The following CNTN5 variants were observed in gnomAD, a reference collection of about 807,000 sequenced individuals.
The protein encoded by CNTN5 is contactin 5, also known as contactin-5.
In CNTN5, 77 loss-of-function variants were observed where a neutral mutation model predicts 129.1. The ratio of observed to expected loss-of-function variants is 0.60; its 90% CI spans 0.50 to 0.72. CNTN5 has a LOEUF of 0.72. Ranked by LOEUF, CNTN5 falls within the 30% of genes least tolerant of loss-of-function variation. CNTN5 has a pLI of 0.00. For synonymous variants in CNTN5, 509 were observed against 465.6 expected (o/e 1.09, Z -1.20); for missense variants, 1,478 against 1,328.8 (o/e 1.11, Z -1.75).
At chr11:99,627,041 A>T (rs606993) in intron 3 of CNTN5, among the ~76,000 whole-genome samples, 147,836 of 152,122 alleles carry the variant, frequency 0.97, 71,978 homozygotes, top group East Asian at 1. Flanking sequence ...CTGCCAAGAA[A>T]CATTCAAGGC....
chr11:99,174,286 C>T (rs11218640), intron 1 of CNTN5, among the ~76,000 whole-genome samples: 1 of 152,064 alleles, frequency 6.6e-6, no homozygotes, highest in Non-Finnish European at 1.5e-5. Context: ...GGCATGAGGA[C>T]TACGCCCAGC....
intron 13 of CNTN5, among the ~76,000 whole-genome samples, chr11:100,170,028 C>A (rs2138403190): frequency 6.6e-6 from 1 of 152,052 alleles, no homozygotes; most frequent in East Asian, 1.9e-4. Flanking sequence ...ATACTTCCCC[C>A]AACTTTTCTA....
chr11:99,425,200 A>C (rs1275463513), intron 2 of CNTN5, among the ~76,000 whole-genome samples: 3 of 152,224 alleles, frequency 2.0e-5, no homozygotes, highest in African/African-American at 7.2e-5. Context: ...GGCCATAGGC[A>C]GACCTGGAAA....
intron 2 of CNTN5, among the ~76,000 whole-genome samples, chr11:99,380,768 C>CAAAA (rs769229566): frequency 4.8e-4 from 49 of 102,398 alleles, no homozygotes; most frequent in Middle Eastern, 5.6e-3. Flanking sequence ...AACTCTATCT[C>CAAAA]AAAAAAAAAA....
At chr11:99,079,273 T>C (rs1236209360) in intron 1 of CNTN5, among the ~76,000 whole-genome samples, 1 of 152,064 alleles carries the variant, frequency 6.6e-6, no homozygotes, top group Non-Finnish European at 1.5e-5. Context: ...GAAAATTAAA[T>C]CTCTAATAAA....
intron 23 of CNTN5, among the ~76,000 whole-genome samples, chr11:100,348,862 A>G (rs1952343465): frequency 1.3e-5 from 2 of 152,004 alleles, no homozygotes; most frequent in South Asian, 4.1e-4. Flanking sequence ...TGCATATCAC[A>G]CTTCTTTGCA....
intron 6 of CNTN5, among the ~76,000 whole-genome samples, chr11:99,913,406 G>C (rs1466628729): frequency 2.6e-5 from 4 of 151,506 alleles, no homozygotes; most frequent in Non-Finnish European, 5.9e-5. Context: ...CATACCCCAT[G>C]AAAGTACAGA....
intron 8 of CNTN5, among the ~76,000 whole-genome samples, chr11:99,972,706 C>A (rs1951297652): frequency 6.6e-6 from 1 of 152,076 alleles, no homozygotes; most frequent in Admixed American, 6.6e-5. Flanking sequence ...TGAGGAGAAC[C>A]AGGGTTTTCA....
At chr11:99,980,144 G>GT (rs1343739404) in intron 8 of CNTN5, among the ~76,000 whole-genome samples, 5 of 152,128 alleles carry the variant, frequency 3.3e-5, no homozygotes, top group African/African-American at 1.2e-4. Flanking sequence ...ACTTAAGAAA[G>GT]TTTTTGAAAA....
chr11:99,406,654 G>T (rs939719376), intron 2 of CNTN5, among the ~76,000 whole-genome samples: 3 of 152,292 alleles, frequency 2.0e-5, no homozygotes, highest in Admixed American at 2.0e-4. Flanking sequence ...AGTTCTCCCA[G>T]GACTTGGACA....
At chr11:99,590,444 T>C (rs1949943421) in intron 3 of CNTN5, among the ~76,000 whole-genome samples, 1 of 152,180 alleles carries the variant, frequency 6.6e-6, no homozygotes, top group Non-Finnish European at 1.5e-5. Context: ...CAAATGGCAA[T>C]GATATTAATT....
At chr11:100,006,798 G>A (rs1020316829) in intron 9 of CNTN5, among the ~76,000 whole-genome samples, 1 of 151,986 alleles carries the variant, frequency 6.6e-6, no homozygotes, top group Non-Finnish European at 1.5e-5. Context: ...TCTCTAGAAG[G>A]TTTACAATTT....
chr11:99,608,578 G>A (rs1950501912), intron 3 of CNTN5, among the ~76,000 whole-genome samples: 1 of 152,122 alleles, frequency 6.6e-6, no homozygotes, highest in Non-Finnish European at 1.5e-5. Flanking sequence ...CATGCATAAA[G>A]TGAAGATGAT....
intron 2 of CNTN5, among the ~76,000 whole-genome samples, chr11:99,504,714 G>A (rs955446474): frequency 3.3e-5 from 5 of 152,036 alleles, no homozygotes; most frequent in South Asian, 2.1e-4. Flanking sequence ...TTAGAAAGTC[G>A]TTCTTCAAGC....
chr11:99,436,318 T>C (rs530522368), intron 2 of CNTN5, among the ~76,000 whole-genome samples: 1 of 152,272 alleles, frequency 6.6e-6, no homozygotes, highest in African/African-American at 2.4e-5. Flanking sequence ...CCATTTCACA[T>C]ATGAATAAAT....
chr11:99,077,268 A>G (rs555066446), intron 1 of CNTN5, among the ~76,000 whole-genome samples: 1 of 152,352 alleles, frequency 6.6e-6, no homozygotes, highest in African/African-American at 2.4e-5. Context: ...TTGTTCCAGG[A>G]GCAACAACAT....
chr11:99,885,694 A>T (rs896708361), intron 6 of CNTN5, among the ~76,000 whole-genome samples: 8 of 152,202 alleles, frequency 5.3e-5, no homozygotes, highest in African/African-American at 1.7e-4. Flanking sequence ...ACATTTTTGT[A>T]GTTAATAACG....
At chr11:99,497,998 C>A (rs1300576225) in intron 2 of CNTN5, among the ~76,000 whole-genome samples, 1 of 152,054 alleles carries the variant, frequency 6.6e-6, no homozygotes, top group Non-Finnish European at 1.5e-5. Context: ...CCAGAGATAT[C>A]ATTTTCTACA....
At chr11:99,249,058 G>T (rs901097503) in intron 1 of CNTN5, among the ~76,000 whole-genome samples, 11 of 152,100 alleles carry the variant, frequency 7.2e-5, no homozygotes, top group Admixed American at 5.9e-4. Context: ...ACCTTGGGCA[G>T]TATGGCCATT....
Sources: gnomAD v4.1 joint callset for allele counts (sites outside exome capture counted in the v4.1 genomes callset) on GRCh38, gnomAD v4.1.1 for gene constraint, MANE v1.5 for transcripts, NCBI Gene and HGNC (gene_info 2026-07-23, HGNC 2026-07-21) for gene names.